Variants in TCF3 observed in about 807,000 individuals in gnomAD.
TCF3 encodes the protein transcription factor 3.
A neutral mutation model predicts 72.3 loss-of-function variants in TCF3; 54 were observed. The ratio of observed to expected loss-of-function variants is 0.75; its 90% CI spans 0.60 to 0.94. The LOEUF (loss-of-function observed/expected upper bound fraction) is 0.94, where lower values mean the gene tolerates loss of function less well. Among genes scored for constraint, TCF3 ranks in the 40% least tolerant of loss-of-function variants. The pLI is 0.00. For missense variants in TCF3, 1,078 were observed against 934.4 expected, an observed-to-expected ratio of 1.15 and a Z score of -2.00; for synonymous variants, 525 against 412.6, an observed-to-expected ratio of 1.27 and a Z score of -3.30.
intron 13 of TCF3, 146 bp downstream of exon 13, chr19:1,620,822 C>A (rs2062103721): frequency 1.2e-6 from 1 of 828,620 alleles, no homozygotes; most frequent in East Asian, 3.3e-5. Context: ...GCCATCTGCT[C>A]CCTCCCCGCT....
chr19:1,635,861 A>C (rs1370274074), intron 3 of TCF3, among the ~76,000 whole-genome samples: 1 of 152,158 alleles, frequency 6.6e-6, no homozygotes, highest in Non-Finnish European at 1.5e-5. Context: ...AAACCAATTA[A>C]CACCTCGACA....
chr19:1,610,933 G>GA lies in TCF3; in HGVS notation c.*773_*774insT, dbSNP rs1465744425. The GA allele has an allele frequency of 1.9e-4, 40 of 210,226 alleles. 2 individuals are homozygous for GA. Among genetic ancestry groups the GA allele is most frequent in the Non-Finnish European group, 3.2e-4 (33 of 103,818 alleles). The allele number at this position is 210,226 out of a possible 1,614,324, so 13.0% of individuals were successfully genotyped here. The stretch of plus-strand genomic sequence containing the variant: ...TGTGTGCAGTGGCTTCCGGGGGGGG[G>GA]GGGGGACGGGGGGGCTCAGGTTTAC... On this transcript the variant is annotated 3_prime_UTR_variant, in exon 19 of 19. Coordinates refer to ENST00000262965, the MANE Select transcript of TCF3 (RefSeq NM_003200.5).
rs745810922 is a variant in TCF3, at chr19:1,619,472, C to T, written c.1170G>A (p.Gln390=). ...PSYDGGLHGL[Q]SKIEDHLDEA... is the part of the protein sequence containing the mutation. ...CGTCCAGGTGGTCTTCTATCTTACTCTGCTGCAGGGTGGGGGGATGGGTGG... is the reference window on the plus strand; with the variant it reads ...CGTCCAGGTGGTCTTCTATCTTACTTTGCTGCAGGGTGGGGGGATGGGTGG... Residue 390 remains glutamine (Q), a splice_region_variant and synonymous_variant, in exon 15 of 19, where the codon CAG becomes CAA. Coordinates refer to ENST00000262965, the MANE Select transcript of TCF3 (RefSeq NM_003200.5). 9.5e-6 allele frequency: 15 copies of T among 1,575,412 alleles called. No homozygotes were observed. The African/African-American group carries it at 1.5e-4, about 16-fold the overall frequency.
At position 1,629,055 on chromosome 19, in the gene TCF3, G is replaced by C; in HGVS notation, c.299-1629C>G. On this transcript the variant is annotated intron_variant, in intron 5 of 18. Transcript: ENST00000262965. ...CAGAGCTCACGGGGTGAGGCGGGAA[G>C]GGGACAGCAGAGCTCACGGGGTGAG... Among the ~76,000 whole-genome samples, 2 of 104,358 alleles carry C rather than the reference G, an allele frequency of 1.9e-5. 1 individual carries two copies. Among genetic ancestry groups the C allele is most frequent in the South Asian group, 6.9e-4 (2 of 2,914 alleles). The allele number at this position is 104,358 out of a possible 152,430, so 68.5% of individuals were successfully genotyped here.
In TCF3 at chr19:1,613,350, G is replaced by A. The variant is rs1031087939; in HGVS notation, c.1823-1501C>T. The stretch of plus-strand genomic sequence containing the variant: ...ACCCAGGAAGACCCAAGGTCTGACT[G>A]TTCCCAGACGTTTCTGTGGAGGGAG... On this transcript the variant is annotated intron_variant, in intron 18 of 18. Coordinates refer to ENST00000262965, the MANE Select transcript of TCF3 (RefSeq NM_003200.5). 4.6e-5 allele frequency among the ~76,000 whole-genome samples: 7 copies of A among 152,272 alleles called. No homozygotes were observed. In the South Asian group the frequency reaches 1.0e-3, roughly 23 times the overall value.
Position 1,611,320 on chromosome 19 carries a change from T to C in TCF3, c.*387A>G, listed in dbSNP as rs186170105. ...GCTTTTTATAGTTAAGGCATTTTTT[T>C]CTTCTCTGACAAAGTGTATGTTTTG... On this transcript the variant is annotated 3_prime_UTR_variant, in exon 19 of 19. Coordinates refer to ENST00000262965, the MANE Select transcript of TCF3 (RefSeq NM_003200.5). The C allele has an allele frequency of 5.2e-4, 202 of 385,076 alleles. 2 individuals are homozygous for C. The East Asian group carries it at 7.4e-3, about 14-fold the overall frequency. The allele number at this position is 385,076 out of a possible 1,614,324, so 23.9% of individuals were successfully genotyped here. A position where few individuals can be genotyped will look rare whatever the true frequency, so the allele number is the denominator to read the frequency against.
Position 1,614,478 on chromosome 19 carries a change from C to A in TCF3, c.1822+807G>T, listed in dbSNP as rs2061349699. 6.6e-6 allele frequency among the ~76,000 whole-genome samples: 1 copy of A among 151,994 alleles called. No individual in the cohort carries two copies. The highest frequency in any genetic ancestry group is 2.4e-5 in the African/African-American group (1 of 41,356). ...CGGACGGGCGGGATGGAGGGGAGGGCGGAAGGCAGACAGCAGAGAGGCGGG... is the reference window on the plus strand; with the variant it reads ...CGGACGGGCGGGATGGAGGGGAGGGAGGAAGGCAGACAGCAGAGAGGCGGG... On this transcript the variant is annotated intron_variant, in intron 18 of 18. Coordinates refer to ENST00000262965, the MANE Select transcript of TCF3 (RefSeq NM_003200.5). The surrounding 1 kb of genome is among the most constrained non-coding windows in gnomAD (Gnocchi z 5.6).
intron 5 of TCF3, 59 bp from the exon 6 acceptor site, chr19:1,627,485 C>A: frequency 6.6e-7 from 1 of 1,525,668 alleles, no homozygotes; most frequent in East Asian, 2.3e-5. Context: ...CTGAGGGCCC[C>A]CGAGTGCCTG....
rs773076913 is a variant in TCF3, at chr19:1,621,829, G to A, written c.955+9C>T. On this transcript the variant is annotated intron_variant, in intron 11 of 18. Transcript: ENST00000262965. Reference sequence around the variant, plus strand: ...CTCGGAGAGGCCGCATCCCAGGGAGGGGCCATACCCAGGAGGCTGTCGGCC... The same window carrying A: ...CTCGGAGAGGCCGCATCCCAGGGAGAGGCCATACCCAGGAGGCTGTCGGCC... 44 of 1,581,290 alleles carry A rather than the reference G, an allele frequency of 2.8e-5. No individual in the cohort carries two copies. Among genetic ancestry groups the A allele is most frequent in the Non-Finnish European group, 3.8e-5 (44 of 1,165,076 alleles).
At chr19:1,644,807 C>T (rs1192719601) in intron 3 of TCF3, among the ~76,000 whole-genome samples, 1 of 152,040 alleles carries the variant, frequency 6.6e-6, no homozygotes, top group African/African-American at 2.4e-5. Context: ...ACCTCCCACC[C>T]CACCCTCCCC....
intron 3 of TCF3, among the ~76,000 whole-genome samples, chr19:1,636,373 C>T (rs185003440): frequency 9.8e-4 from 149 of 152,254 alleles, no homozygotes; most frequent in Admixed American, 2.6e-3. Flanking sequence ...GTTGGCCAGG[C>T]TGGTCTTGAA....
At chr19:1,634,385 C>A (rs932982797) in intron 3 of TCF3, among the ~76,000 whole-genome samples, 2 of 152,230 alleles carry the variant, frequency 1.3e-5, no homozygotes, top group African/African-American at 4.8e-5. Flanking sequence ...GGGAAGGGCA[C>A]CTTCCTGCCC....
In TCF3 at chr19:1,631,838, G is replaced by A; in HGVS notation, c.298+200C>T. On this transcript the variant is annotated intron_variant, in intron 5 of 18. Transcript: ENST00000262965. Reference sequence around the variant, plus strand: ...GCTCAGGCGGGGAAGCCTAGTTGCAGAGTGCCGTGCCAGGGAGTCCGGGCC... The same window carrying A: ...GCTCAGGCGGGGAAGCCTAGTTGCAAAGTGCCGTGCCAGGGAGTCCGGGCC... 3 of 1,388,964 alleles carry A rather than the reference G, an allele frequency of 2.2e-6. No individual in the cohort carries two copies. The South Asian group carries it at 4.0e-5, about 18-fold the overall frequency. The allele number at this position is 1,388,964 out of a possible 1,614,324, so 86.0% of individuals were successfully genotyped here. A position where few individuals can be genotyped will look rare whatever the true frequency, so the allele number is the denominator to read the frequency against.
chr19:1,621,738 G>A (rs983129215), intron 11 of TCF3, 100 bp downstream of exon 11: 59 of 1,408,890 alleles, frequency 4.2e-5, no homozygotes, highest in Middle Eastern at 2.6e-4. Context: ...GCCAGCAGAC[G>A]CGCCTGCGCC....
intron 18 of TCF3, among the ~76,000 whole-genome samples, chr19:1,613,928 C>A (rs2061291144): frequency 1.3e-5 from 2 of 152,260 alleles, no homozygotes; most frequent in Admixed American, 6.5e-5. Context: ...CAAGGCTGAG[C>A]CCCCTCTCCA....
chr19:1,615,171 A>C lies in TCF3; in HGVS notation c.1822+114T>G. On this transcript the variant is annotated intron_variant, in intron 18 of 18. Coordinates refer to ENST00000262965, the MANE Select transcript of TCF3 (RefSeq NM_003200.5). The surrounding 1 kb of genome is among the most constrained non-coding windows in gnomAD (Gnocchi z 7.3). Reference sequence around the variant, plus strand: ...AGGGCACAGTCACTGCAAGGAGGCAACTGCTGCAGAGGGAGGGCTGGCTCC... The same window carrying C: ...AGGGCACAGTCACTGCAAGGAGGCACCTGCTGCAGAGGGAGGGCTGGCTCC... The C allele has an allele frequency of 2.4e-6, 3 of 1,267,420 alleles. No individual in the cohort carries two copies. Among genetic ancestry groups the C allele is most frequent in the South Asian group, 1.5e-5 (1 of 66,726 alleles). The allele number at this position is 1,267,420 out of a possible 1,614,324, so 78.5% of individuals were successfully genotyped here. A position where few individuals can be genotyped will look rare whatever the true frequency, so the allele number is the denominator to read the frequency against.
intron 2 of TCF3, 73 bp downstream of exon 2, chr19:1,650,104 T>C: frequency 1.4e-6 from 2 of 1,396,028 alleles, no homozygotes; most frequent in Non-Finnish European, 9.8e-7. Flanking sequence ...CAGCAAACAC[T>C]CTCCCCTGAA....
intron 13 of TCF3, among the ~76,000 whole-genome samples, chr19:1,620,310 A>G (rs1245598519): frequency 6.6e-6 from 1 of 152,024 alleles, no homozygotes; most frequent in African/African-American, 2.4e-5. Context: ...AAACACCCAG[A>G]CCTTCTGGAA....
At chr19:1,622,808 G>A (rs1256510005) in intron 8 of TCF3, among the ~76,000 whole-genome samples, 2 of 152,160 alleles carry the variant, frequency 1.3e-5, no homozygotes, top group Non-Finnish European at 2.9e-5. Flanking sequence ...ATCTTCCAGT[G>A]CTGAGCTTCC....
Sources: gnomAD v4.1 joint callset for allele counts (sites outside exome capture counted in the v4.1 genomes callset) on GRCh38, gnomAD v4.1.1 for gene constraint, Gnocchi (gnomAD v3.1) non-coding constraint, MANE v1.5 for transcripts, NCBI Gene and HGNC (gene_info 2026-07-23, HGNC 2026-07-21) for gene names.